The following LDB3 variants were observed in gnomAD, a reference collection of about 807,000 sequenced individuals.
LDB3 encodes LIM domain binding 3.
Under a neutral mutation model 69.0 loss-of-function variants are expected in LDB3, and 49 were observed. The observed-to-expected ratio is 0.71, with a 90% CI of 0.56 to 0.90. LDB3 has a LOEUF of 0.90. Ranked by LOEUF, LDB3 falls within the 40% of genes least tolerant of loss-of-function variation. LDB3 has a pLI of 0.00. For missense variants in LDB3, 928 were observed against 974.1 expected (o/e 0.95, Z 0.63); for synonymous variants, 387 against 396.2 (o/e 0.98, Z 0.28).
intron 2 of LDB3, among the ~76,000 whole-genome samples, chr10:86,677,191 C>A (rs1844842309): frequency 6.6e-6 from 1 of 152,176 alleles, no homozygotes; most frequent in Admixed American, 6.5e-5. Flanking sequence ...TGGCACTCCT[C>A]ATGATGTCAT....
intron 7 of LDB3, among the ~76,000 whole-genome samples, chr10:86,706,246 T>C (rs1305000779): frequency 9.9e-6 from 1 of 100,660 alleles, no homozygotes; most frequent in Admixed American, 1.3e-4. Context: ...AATTAGGAAG[T>C]ACAGAAAAAT....
intron 12 of LDB3, among the ~76,000 whole-genome samples, chr10:86,721,964 A>G (rs1158008927): frequency 6.6e-6 from 1 of 152,230 alleles, no homozygotes; most frequent in Non-Finnish European, 1.5e-5. Flanking sequence ...GAAAGACTTA[A>G]AGGGAGAAAT....
chr10:86,718,311 G>A (rs1186551295), intron 11 of LDB3, among the ~76,000 whole-genome samples, 167 bp downstream of exon 11: 1 of 152,210 alleles, frequency 6.6e-6, no homozygotes, highest in African/African-American at 2.4e-5. Flanking sequence ...GGGGATAAAT[G>A]AACTTGATGC....
intron 12 of LDB3, among the ~76,000 whole-genome samples, chr10:86,723,002 C>T (rs1188486884): frequency 2.0e-5 from 3 of 151,786 alleles, no homozygotes; most frequent in Non-Finnish European, 4.4e-5. Context: ...CTTGGTGGCT[C>T]ACGCCTGTAA....
At chr10:86,672,545 T>C (rs917140112) in intron 2 of LDB3, among the ~76,000 whole-genome samples, 14 of 152,238 alleles carry the variant, frequency 9.2e-5, no homozygotes, top group African/African-American at 3.1e-4. Flanking sequence ...TTAGCAGTGC[T>C]GACAGGCCGT....
At position 86,699,642 on chromosome 10, in the gene LDB3, C is replaced by T. The variant is rs1846171423; in HGVS notation, c.897-6889C>T. The T allele has an allele frequency of 7.5e-6, 10 of 1,332,610 alleles. No homozygotes were observed. The highest frequency in any genetic ancestry group is 8.7e-6 in the Non-Finnish European group (9 of 1,034,022). The allele number at this position is 1,332,610 out of a possible 1,614,324, so 82.5% of individuals were successfully genotyped here. On this transcript the variant is annotated intron_variant, in intron 7 of 13. Coordinates refer to ENST00000361373, the MANE Select transcript of LDB3 (RefSeq NM_007078.3). The surrounding 1 kb of genome is among the most constrained non-coding windows in gnomAD (Gnocchi z 4.9). ...AGCCCGTAGCCCAATCCCCTGCCCT[C>T]TGCACAGGGCCTTAGCTGTAGACCA...
chr10:86,685,969 G>T (rs1845445822), intron 5 of LDB3, among the ~76,000 whole-genome samples: 1 of 152,130 alleles, frequency 6.6e-6, no homozygotes, highest in Non-Finnish European at 1.5e-5. Flanking sequence ...GCCTGGGGTT[G>T]GTGACGGTGG....
intron 12 of LDB3, among the ~76,000 whole-genome samples, chr10:86,723,696 G>T (rs955389450): frequency 6.6e-6 from 1 of 152,168 alleles, no homozygotes; most frequent in Non-Finnish European, 1.5e-5. Context: ...GAAGCAGAAC[G>T]ATGTTTTCTT....
At position 86,716,312 on chromosome 10, in the gene LDB3, T is replaced by C; in HGVS notation, c.1232-15T>C. On this transcript the variant is annotated splice_polypyrimidine_tract_variant and intron_variant, in intron 9 of 13. Transcript: ENST00000361373. ...CCTGACACACCTTTCTTTGGGTTTT[T>C]TTTGGCTTTTGCAGTGCCTGCATCT... 6.2e-7 allele frequency: 1 copy of C among 1,611,746 alleles called. No individual in the cohort carries two copies. The highest frequency in any genetic ancestry group is 8.5e-7 in the Non-Finnish European group (1 of 1,179,904).
Position 86,703,045 on chromosome 10 carries a change from G to A in LDB3, c.897-3486G>A, listed in dbSNP as rs187736318. 2.8e-3 allele frequency among the ~76,000 whole-genome samples: 433 copies of A among 152,300 alleles called. 1 individual carries two copies. The highest frequency in any genetic ancestry group is 5.2e-3 in the Non-Finnish European group (352 of 68,020). ...AGGGTTCATTTGGAGCTCTGGCTGC[G>A]GAGAGCAGCAGGTAAGCTGGCCTAA... is the stretch of plus-strand genomic sequence containing the variant. On this transcript the variant is annotated intron_variant, in intron 7 of 13. Coordinates refer to ENST00000361373, the MANE Select transcript of LDB3 (RefSeq NM_007078.3).
In LDB3 at chr10:86,673,530, C is replaced by T. The variant is rs149025022; in HGVS notation, c.93+4746C>T. On this transcript the variant is annotated intron_variant, in intron 2 of 13. Coordinates refer to ENST00000361373, the MANE Select transcript of LDB3 (RefSeq NM_007078.3). ...ATTGAGGGGACTCCGGCTTATTTAT[C>T]GGCCAGGGTGGAGTTGGGGAGTGGG... Among the ~76,000 whole-genome samples the T allele has an allele frequency of 2.3e-3, 343 of 152,098 alleles. 5 individuals carry two copies. The South Asian group carries it at 0.042, about 19-fold the overall frequency.
upstream of LDB3, chr10:86,668,436 A>AGG: frequency 1.8e-6 from 1 of 561,952 alleles, no homozygotes; most frequent in Non-Finnish European, 3.3e-6. Context: ...GCTGGCAGGC[A>AGG]CAGTGTAGGG....
intron 5 of LDB3, among the ~76,000 whole-genome samples, chr10:86,684,702 G>A (rs1235638313): frequency 6.6e-6 from 1 of 152,236 alleles, no homozygotes; most frequent in East Asian, 1.9e-4. Flanking sequence ...ACCAGGGCCA[G>A]GCTGGCCGGG....
At chr10:86,693,922 G>A (rs1845889221) in intron 7 of LDB3, among the ~76,000 whole-genome samples, 2 of 152,156 alleles carry the variant, frequency 1.3e-5, no homozygotes, top group South Asian at 2.1e-4. Context: ...CAGAGCAAGC[G>A]GCTTCAAAAT....
chr10:86,710,694 A>AG (rs903750704), intron 9 of LDB3, among the ~76,000 whole-genome samples: 1 of 152,232 alleles, frequency 6.6e-6, no homozygotes, highest in African/African-American at 2.4e-5. Context: ...GAGAAACCCC[A>AG]GGGAAGTTTT....
At chr10:86,726,382 C>G in intron 13 of LDB3, 130 bp downstream of exon 13, 1 of 732,402 alleles carries the variant, frequency 1.4e-6, no homozygotes. Flanking sequence ...TAAAAGCTGG[C>G]AAACACCATG....
upstream of LDB3, chr10:86,666,990 T>C: frequency 5.1e-6 from 2 of 388,986 alleles, no homozygotes; most frequent in Non-Finnish European, 5.3e-6. Flanking sequence ...GAGTTAGGGA[T>C]GAATGACATG....
intron 5 of LDB3, among the ~76,000 whole-genome samples, chr10:86,691,485 A>G (rs1845757277): frequency 6.6e-6 from 1 of 152,148 alleles, no homozygotes; most frequent in Non-Finnish European, 1.5e-5. Flanking sequence ...CAGGAGATGG[A>G]TCCTGAGGAA....
intron 5 of LDB3, chr10:86,686,999 C>T: frequency 2.7e-5 from 39 of 1,469,730 alleles, no homozygotes; most frequent in Non-Finnish European, 3.6e-5. Flanking sequence ...CCTTGGCCAC[C>T]CATGTAACCG....
Sources: allele counts gnomAD v4.1 joint callset (sites outside exome capture counted in the v4.1 genomes callset), GRCh38; gene constraint gnomAD v4.1.1; non-coding constraint Gnocchi (gnomAD v3.1); transcripts MANE v1.5; gene names NCBI Gene and HGNC (gene_info 2026-07-23, HGNC 2026-07-21).